TBC1D17: variants seen among roughly 807,000 people sequenced by gnomAD.
TBC1D17 encodes TBC1 domain family member 17, also known as TBC1 domain family, member 17.
Under a neutral mutation model 78.8 loss-of-function variants are expected in TBC1D17, and 69 were observed. The ratio of observed to expected loss-of-function variants is 0.88; its 90% CI spans 0.72 to 1.07. The LOEUF is 1.07. TBC1D17 is among the 50% of genes least tolerant of loss of function. The pLI is 0.00. For synonymous variants in TBC1D17, 456 were observed against 358.3 expected, an observed-to-expected ratio of 1.27 and a Z score of -3.08; for missense variants, 957 against 861.0, an observed-to-expected ratio of 1.11 and a Z score of -1.39.
At chr19:49,881,198 C>CT in intron 4 of TBC1D17, 70 bp from the exon 5 acceptor site, 2 of 1,422,968 alleles carry the variant, frequency 1.4e-6, no homozygotes, top group Non-Finnish European at 1.9e-6. Flanking sequence ...AAGGAACATC[C>CT]TGGGTTGTGG....
In TBC1D17 at chr19:49,888,620, C is replaced by G. The variant is rs1194792051; in HGVS notation, c.1943C>G (p.Ser648Cys). Residue 648 changes from serine to cysteine, a missense_variant, in exon 17 of 17, where the codon TCC (serine) becomes TGC (cysteine). Coordinates refer to ENST00000221543, the MANE Select transcript of TBC1D17 (RefSeq NM_024682.3). ...GAGGAGGAGGACGAGGGCGCCGACT[C>G]CTAACCCCGCCAGGCAGCCTCGTTC... ...LPEEEDEGADS is the reference protein window; with the variant it reads ...LPEEEDEGADC 5 of 1,532,730 alleles carry G rather than the reference C, an allele frequency of 3.3e-6. No homozygotes were observed. Among genetic ancestry groups the G allele is most frequent in the Non-Finnish European group, 4.4e-6 (5 of 1,144,280 alleles). 94.9% of individuals were successfully genotyped at this position (1,532,730 alleles called of 1,614,324 possible). A position where few individuals can be genotyped will look rare whatever the true frequency, so the allele number is the denominator to read the frequency against.
rs371659502 is a variant in TBC1D17, at chr19:49,887,766, T to G, written c.1591T>G (p.Cys531Gly). The G allele has an allele frequency of 3.7e-5, 60 of 1,613,210 alleles. No individual in the cohort carries two copies. The highest frequency in any genetic ancestry group is 5.3e-5 in the African/African-American group (4 of 74,944). Residue 531 changes from cysteine (C) to glycine (G), a missense_variant, in exon 15 of 17, where the codon TGC becomes GGC. Transcript: ENST00000221543. ...PGPNLHLLVA[C>G]AILDMERDTL... The stretch of plus-strand genomic sequence containing the variant: ...CCCCAATCTGCACCTGCTGGTGGCC[T>G]GCGCCATCCTGGACATGGAGAGGGA...
At position 49,878,288 on chromosome 19, in the gene TBC1D17, A is replaced by G. The variant is rs201403786; in HGVS notation, c.120+47A>G. On this transcript the variant is annotated intron_variant, in intron 2 of 16. Transcript: ENST00000221543. Reference sequence around the variant, plus strand: ...CTCGGACCCGCTCCGAGCGGGATGCAGGCGGTCTGGGATGCAGGCGGCAGC... The same window carrying G: ...CTCGGACCCGCTCCGAGCGGGATGCGGGCGGTCTGGGATGCAGGCGGCAGC... The G allele has an allele frequency of 1.4e-5, 21 of 1,526,642 alleles. No individual in the cohort carries two copies. The East Asian group carries it at 4.4e-4, about 32-fold the overall frequency. 94.6% of individuals were successfully genotyped at this position (1,526,642 alleles called of 1,614,324 possible). A position where few individuals can be genotyped will look rare whatever the true frequency, so the allele number is the denominator to read the frequency against.
chr19:49,879,810 C>T (rs2122427211), intron 3 of TBC1D17, among the ~76,000 whole-genome samples: 1 of 149,936 alleles, frequency 6.7e-6, no homozygotes, highest in East Asian at 2.0e-4. Flanking sequence ...TCTCTGGCTG[C>T]ATTGGGTGAC....
chr19:49,877,813 T>A lies in TBC1D17; in HGVS notation c.21+69T>A, dbSNP rs1034482235. 3 of 1,522,292 alleles carry A rather than the reference T, an allele frequency of 2.0e-6. No homozygotes were observed. In the African/African-American group the frequency reaches 4.1e-5, roughly 21 times the overall value. The allele number at this position is 1,522,292 out of a possible 1,614,324, so 94.3% of individuals were successfully genotyped here. ...CGCCCCGTCTAGTGATCAGCTCTTC[T>A]CTCAGGCCTTGGCTCTCGAGAATCC... On this transcript the variant is annotated intron_variant, in intron 1 of 16. Transcript: ENST00000221543.
chr19:49,884,211 C>T, intron 10 of TBC1D17, 42 bp from the exon 11 acceptor site: 3 of 1,582,408 alleles, frequency 1.9e-6, no homozygotes, highest in Admixed American at 1.7e-5. Flanking sequence ...GATGGGCCCC[C>T]CTACCTTTCT....
intron 2 of TBC1D17, 78 bp from the exon 3 acceptor site, chr19:49,878,419 AG>A: frequency 6.9e-7 from 1 of 1,449,472 alleles, no homozygotes; most frequent in Non-Finnish European, 9.7e-7. Flanking sequence ...AAACTGGGAA[AG>A]TTTGGAAATT....
rs917600748 is a variant in TBC1D17 at position 49,878,177 on chromosome 19, C to G, written c.56C>G (p.Thr19Ser). The G allele has an allele frequency of 2.5e-6, 4 of 1,577,138 alleles. No homozygotes were observed. Among genetic ancestry groups the G allele is most frequent in the Middle Eastern group, 1.7e-4 (1 of 6,032 alleles). The change falls in exon 2 of 17, where the codon ACC becomes AGC. Residue 19 changes from threonine (T) to serine (S), a missense_variant. Physicochemically the swap from Thr to Ser is moderately conservative, Grantham distance 58 (BLOSUM62 1). Coordinates refer to ENST00000221543, the MANE Select transcript of TBC1D17 (RefSeq NM_024682.3). ...VFEKGGVYLH[T>S]SAKKYQDRDS... ...GAGAAGGGCGGAGTGTACCTGCACA[C>G]CAGCGCTAAGAAGTATCAGGACCGA... is the stretch of plus-strand genomic sequence containing the variant.
chr19:49,888,016 G>C, intron 15 of TBC1D17, 182 bp downstream of exon 15: 2 of 945,804 alleles, frequency 2.1e-6, no homozygotes, highest in Non-Finnish European at 3.1e-6. Context: ...CTCCCAGCAA[G>C]GTCCTCCGGG....
At chr19:49,878,016 G>GTCCCGGGGCAATGGCCC (rs1300483687) in intron 1 of TBC1D17, 127 bp from the exon 2 acceptor site, 9 of 837,808 alleles carry the variant, frequency 1.1e-5, no homozygotes, top group African/African-American at 3.4e-5. Context: ...CCCCGCCTTG[G>GTCCCGGGGCAATGGCCC]TCCCGGGGCA....
chr19:49,878,398 G>A, intron 2 of TBC1D17, 100 bp from the exon 3 acceptor site: 1 of 1,341,226 alleles, frequency 7.5e-7, no homozygotes. Flanking sequence ...ACTTTGAAAG[G>A]CTGAGGGTAG....
intron 14 of TBC1D17, 46 bp from the exon 15 acceptor site, chr19:49,887,672 A>G (rs2075069899): frequency 1.2e-6 from 2 of 1,609,886 alleles, no homozygotes; most frequent in Non-Finnish European, 1.7e-6. Context: ...CCTCAGGCCC[A>G]GGCTGGGCTA....
intron 9 of TBC1D17, 140 bp downstream of exon 9, chr19:49,883,216 C>G (rs1040219739): frequency 8.3e-6 from 6 of 718,686 alleles, no homozygotes; most frequent in Non-Finnish European, 1.4e-5. Flanking sequence ...CGGCAATGAT[C>G]AAGCCAGACC....
In TBC1D17 at chr19:49,884,286, A is replaced by G; in HGVS notation, c.1160A>G (p.Lys387Arg). Residue 387 changes from lysine to arginine, a missense_variant, in exon 11 of 17, where the codon AAG (lysine) becomes AGG (arginine). Physicochemically the swap from Lys to Arg is conservative, Grantham distance 26. Coordinates refer to ENST00000221543, the MANE Select transcript of TBC1D17 (RefSeq NM_024682.3). ...RDVSRTDRTN[K>R]FYEGPENPGL... Reference sequence around the variant, plus strand: ...GTGAGCCGCACTGACAGGACCAACAAGTTCTACGAGGGTCCCGAGAACCCG... The same window carrying G: ...GTGAGCCGCACTGACAGGACCAACAGGTTCTACGAGGGTCCCGAGAACCCG... 1 of 1,613,950 alleles carries G rather than the reference A, an allele frequency of 6.2e-7. No homozygotes were observed. Among genetic ancestry groups the G allele is most frequent in the East Asian group, 2.2e-5 (1 of 44,872 alleles).
Position 49,888,416 on chromosome 19 carries a change from GCCTCC to G in TBC1D17, c.1747-7_1747-3del, listed in dbSNP as rs2075084443. 2 of 1,593,302 alleles carry G rather than the reference GCCTCC, an allele frequency of 1.3e-6. No individual in the cohort carries two copies. The highest frequency in any genetic ancestry group is 1.7e-6 in the Non-Finnish European group (2 of 1,175,626). ...CCGCTTTTCGCTTCTCTCATCCCGT[GCCTCC>G]AGGAGCTGCCCCACAACGTGCAGGA... On this transcript the variant is annotated splice_region_variant and splice_polypyrimidine_tract_variant and intron_variant, in intron 16 of 16. Transcript: ENST00000221543.
In TBC1D17 at chr19:49,888,321, A is replaced by C. The variant is rs1347910204; in HGVS notation, c.1746+4A>C. The C allele has an allele frequency of 2.5e-6, 4 of 1,569,732 alleles. No homozygotes were observed. The East Asian group carries it at 9.4e-5, about 37-fold the overall frequency. ...CCGCCAGCTAACCGCCTGCCCCGTG[A>C]GTCCCCGTCCGCCCCGCAGCGCCCC... On this transcript the variant is annotated splice_donor_region_variant and intron_variant, in intron 16 of 16. Coordinates refer to ENST00000221543, the MANE Select transcript of TBC1D17 (RefSeq NM_024682.3).
At position 49,881,287 on chromosome 19, in the gene TBC1D17, C is replaced by T. The variant is rs756417635; in HGVS notation, c.339C>T (p.Pro113=). The T allele has an allele frequency of 8.1e-6, 13 of 1,613,022 alleles. No individual in the cohort carries two copies. The South Asian group carries it at 1.2e-4, about 15-fold the overall frequency. ...CCCTAGGTGCAGAGCCCAGCTGCCC[C>T]CAGGGCTCCTGGGCCTTCTCAGTGA... is the stretch of plus-strand genomic sequence containing the variant. ...EPTRGAEPSC[P]QGSWAFSVSL... is the part of the protein sequence containing the mutation. The change falls in exon 5 of 17, where the codon CCC becomes CCT. Residue 113 remains proline, a synonymous_variant. Coordinates refer to ENST00000221543, the MANE Select transcript of TBC1D17 (RefSeq NM_024682.3).
At chr19:49,878,026 A>G in intron 1 of TBC1D17, 117 bp from the exon 2 acceptor site, 1 of 871,142 alleles carries the variant, frequency 1.1e-6, no homozygotes, top group South Asian at 1.7e-5. Context: ...GTCCCGGGGC[A>G]ATGGCCCTCC....
intron 10 of TBC1D17, 98 bp downstream of exon 10, chr19:49,883,843 C>G: frequency 1.9e-6 from 2 of 1,039,966 alleles, no homozygotes; most frequent in Non-Finnish European, 3.0e-6. Flanking sequence ...AGCCCCCTGC[C>G]TCCCCAAGAC....
Sources: allele counts gnomAD v4.1 joint callset (sites outside exome capture counted in the v4.1 genomes callset), GRCh38; gene constraint gnomAD v4.1.1; transcripts MANE v1.5; gene names NCBI Gene and HGNC (gene_info 2026-07-23, HGNC 2026-07-21).